The following WNT2 variants were observed in gnomAD, a reference collection of about 807,000 sequenced individuals.
The protein encoded by WNT2 is Wnt family member 2, also known as protein Wnt-2.
Under a neutral mutation model 36.9 loss-of-function variants are expected in WNT2, and 12 were observed. That is an observed-to-expected ratio of 0.33 (90% CI 0.21 to 0.53). WNT2 has a LOEUF of 0.53. Ranked by LOEUF, WNT2 falls within the 20% of genes least tolerant of loss-of-function variation. WNT2 has a pLI of 0.95. For synonymous variants in WNT2, 163 were observed against 174.6 expected, an observed-to-expected ratio of 0.93 and a Z score of 0.52; for missense variants, 379 against 473.1, an observed-to-expected ratio of 0.80 and a Z score of 1.84.
chr7:117,316,411 G>A (rs1229884528), intron 2 of WNT2, among the ~76,000 whole-genome samples: 3 of 151,988 alleles, frequency 2.0e-5, no homozygotes, highest in Admixed American at 6.6e-5. Flanking sequence ...TGGTTGCTGC[G>A]GCAAATATAT....
intron 4 of WNT2, among the ~76,000 whole-genome samples, chr7:117,287,429 C>T (rs1794604228): frequency 1.3e-5 from 2 of 152,216 alleles, no homozygotes; most frequent in African/African-American, 4.8e-5. Context: ...TCCCATCCTT[C>T]CAGATTCAGG....
At chr7:117,298,751 C>T (rs1794844495) in intron 3 of WNT2, among the ~76,000 whole-genome samples, 1 of 152,164 alleles carries the variant, frequency 6.6e-6, no homozygotes, top group Non-Finnish European at 1.5e-5. Flanking sequence ...TGAGAGTTAT[C>T]CTGCCCTGGC....
At chr7:117,305,060 A>C (rs1480946587) in intron 3 of WNT2, among the ~76,000 whole-genome samples, 1 of 152,152 alleles carries the variant, frequency 6.6e-6, no homozygotes, top group Non-Finnish European at 1.5e-5. Context: ...CCCTTGCTGC[A>C]GGGGCTCCAA....
At chr7:117,315,045 A>G in intron 3 of WNT2, 26 bp downstream of exon 3, 2 of 1,610,592 alleles carry the variant, frequency 1.2e-6, no homozygotes, top group Non-Finnish European at 1.7e-6. Flanking sequence ...GCAGCCTACA[A>G]AATGAGCACC....
intron 3 of WNT2, among the ~76,000 whole-genome samples, chr7:117,306,543 T>C (rs930841099): frequency 2.0e-5 from 3 of 152,226 alleles, no homozygotes; most frequent in Non-Finnish European, 4.4e-5. Context: ...TTCTATTTTG[T>C]CTCTTGAATC....
At position 117,319,158 on chromosome 7, in the gene WNT2, C is replaced by T. The variant is rs78573120; in HGVS notation, c.310+1409G>A. Among the ~76,000 whole-genome samples, 1,070 of 152,286 alleles carry T rather than the reference C, an allele frequency of 7.0e-3. 8 individuals are homozygous for T. The highest frequency in any genetic ancestry group is 0.028 in the South Asian group (137 of 4,826). ...ATTACTCGTGCTAGATATTTGCAAA[C>T]TCTCTTTAACAAGGTCCAGTTTCTT... On this transcript the variant is annotated intron_variant, in intron 2 of 4. Coordinates refer to ENST00000265441, the MANE Select transcript of WNT2 (RefSeq NM_003391.3).
chr7:117,317,607 A>G (rs1795245710), intron 2 of WNT2, among the ~76,000 whole-genome samples: 1 of 152,226 alleles, frequency 6.6e-6, no homozygotes, highest in Non-Finnish European at 1.5e-5. Context: ...TTGTAACAAA[A>G]CAAATTTTGA....
At chr7:117,311,868 AG>A (rs1399145393) in intron 3 of WNT2, among the ~76,000 whole-genome samples, 1 of 152,232 alleles carries the variant, frequency 6.6e-6, no homozygotes, top group African/African-American at 2.4e-5. Flanking sequence ...AGATTCAATG[AG>A]CAAAGCCACT....
intron 4 of WNT2, among the ~76,000 whole-genome samples, chr7:117,281,859 G>A (rs984666258): frequency 3.9e-5 from 6 of 152,144 alleles, no homozygotes; most frequent in African/African-American, 1.4e-4. Context: ...TGGCGCCCTC[G>A]ATGAGAGCAG....
intron 2 of WNT2, among the ~76,000 whole-genome samples, chr7:117,316,430 C>A (rs755258707): frequency 5.3e-5 from 8 of 152,060 alleles, no homozygotes; most frequent in Non-Finnish European, 7.4e-5. Context: ...ATTAACAATC[C>A]AAATAGAAGC....
intron 3 of WNT2, among the ~76,000 whole-genome samples, chr7:117,298,984 G>A (rs994998431): frequency 2.6e-5 from 4 of 152,134 alleles, no homozygotes; most frequent in Non-Finnish European, 5.9e-5. Context: ...GTTGTGGATG[G>A]GGTACCCACT....
Position 117,278,087 on chromosome 7 carries a change from G to T in WNT2, c.*68C>A. 2 of 1,522,396 alleles carry T rather than the reference G, an allele frequency of 1.3e-6. No homozygotes were observed. Among genetic ancestry groups the T allele is most frequent in the Non-Finnish European group, 1.8e-6 (2 of 1,102,398 alleles). 94.3% of individuals were successfully genotyped at this position (1,522,396 alleles called of 1,614,324 possible). A position where few individuals can be genotyped will look rare whatever the true frequency, so the allele number is the denominator to read the frequency against. On this transcript the variant is annotated 3_prime_UTR_variant, in exon 5 of 5. Coordinates refer to ENST00000265441, the MANE Select transcript of WNT2 (RefSeq NM_003391.3). ...ATATCCCCCCAGAAAGAACCCAAAGGTCCAGTGTTCTTGCAGATCCAATGG... is the reference window on the plus strand; with the variant it reads ...ATATCCCCCCAGAAAGAACCCAAAGTTCCAGTGTTCTTGCAGATCCAATGG...
chr7:117,294,083 G>T (rs1025087110), intron 4 of WNT2, among the ~76,000 whole-genome samples: 1 of 152,098 alleles, frequency 6.6e-6, no homozygotes, highest in Non-Finnish European at 1.5e-5. Context: ...ATTTTTTAGA[G>T]ATGGGGTCTC....
rs1794553698 is a variant in WNT2 at position 117,284,838 on chromosome 7, G to A, written c.854-6454C>T. ...TTATTATCACCATTTTGGAAATGAGGAAATGGAGATTCAGGAAGATTAAGT... is the reference window on the plus strand; with the variant it reads ...TTATTATCACCATTTTGGAAATGAGAAAATGGAGATTCAGGAAGATTAAGT... On this transcript the variant is annotated intron_variant, in intron 4 of 4. Coordinates refer to ENST00000265441, the MANE Select transcript of WNT2 (RefSeq NM_003391.3). This position sits in a 1 kb window ranked among gnomAD's most constrained non-coding sequence, Gnocchi z 5.2. Among the ~76,000 whole-genome samples the A allele has an allele frequency of 6.6e-6, 1 of 152,202 alleles. No individual in the cohort carries two copies. Among genetic ancestry groups the A allele is most frequent in the Non-Finnish European group, 1.5e-5 (1 of 68,030 alleles).
chr7:117,275,629 T>G lies in WNT2; in HGVS notation c.*2526A>C, dbSNP rs1334801917. Among the ~76,000 whole-genome samples the G allele has an allele frequency of 1.3e-5, 2 of 152,218 alleles. No individual in the cohort carries two copies. Among genetic ancestry groups the G allele is most frequent in the African/African-American group, 2.4e-5 (1 of 41,452 alleles). On this transcript the variant is annotated 3_prime_UTR_variant, in exon 5 of 5. Transcript: ENST00000265441. ...ATTCCCCTTAAAAGCCTCAGATAAT[T>G]GAGAGTTTCAGTGTATTTCAGGTTC... is the stretch of plus-strand genomic sequence containing the variant.
At chr7:117,310,620 C>T (rs1795104498) in intron 3 of WNT2, among the ~76,000 whole-genome samples, 1 of 146,914 alleles carries the variant, frequency 6.8e-6, no homozygotes, top group African/African-American at 2.5e-5. Context: ...CTCTCCAGAT[C>T]TGGCTGGGAC....
At chr7:117,279,294 T>C (rs1276270694) in intron 4 of WNT2, among the ~76,000 whole-genome samples, 1 of 152,204 alleles carries the variant, frequency 6.6e-6, no homozygotes, top group East Asian at 1.9e-4. Context: ...ATTGTAGACA[T>C]TTTGGGAGAG....
chr7:117,304,563 C>T (rs1282523282), intron 3 of WNT2, among the ~76,000 whole-genome samples: 1 of 151,514 alleles, frequency 6.6e-6, no homozygotes, highest in Non-Finnish European at 1.5e-5. Context: ...AGCCTCCCAA[C>T]TAGCTGGGAT....
rs994045893 is a variant in WNT2, at chr7:117,284,975, G to A, written c.854-6591C>T. Among the ~76,000 whole-genome samples the A allele has an allele frequency of 2.6e-5, 4 of 152,216 alleles. No homozygotes were observed. The highest frequency in any genetic ancestry group is 7.2e-5 in the African/African-American group (3 of 41,460). Reference sequence around the variant, plus strand: ...AGTCGTGACATTCTGACCCTTTGCCGAGTGCCCAGTCCTGGTGCCCGGCCA... The same window carrying A: ...AGTCGTGACATTCTGACCCTTTGCCAAGTGCCCAGTCCTGGTGCCCGGCCA... On this transcript the variant is annotated intron_variant, in intron 4 of 4. Transcript: ENST00000265441. This position sits in a 1 kb window ranked among gnomAD's most constrained non-coding sequence, Gnocchi z 5.2.
Sources: allele counts gnomAD v4.1 joint callset (sites outside exome capture counted in the v4.1 genomes callset), GRCh38; gene constraint gnomAD v4.1.1; non-coding constraint Gnocchi (gnomAD v3.1); transcripts MANE v1.5; gene names NCBI Gene and HGNC (gene_info 2026-07-23, HGNC 2026-07-21).